The following SLC24A4 variants were observed in gnomAD, a reference collection of about 807,000 sequenced individuals.
SLC24A4 encodes sodium/potassium/calcium exchanger 4.
SLC24A4 carries 53 observed loss-of-function variants against 79.0 expected under a neutral mutation model. The ratio of observed to expected loss-of-function variants is 0.67; its 90% CI spans 0.54 to 0.84. SLC24A4 has a LOEUF of 0.84. Ranked by LOEUF, SLC24A4 falls within the 40% of genes least tolerant of loss-of-function variation. The pLI, the probability that SLC24A4 is intolerant of heterozygous loss-of-function variation, is 0.00. For missense variants in SLC24A4, 731 were observed against 822.0 expected (o/e 0.89, Z 1.35); for synonymous variants, 323 against 323.8 (o/e 1.00, Z 0.03).
At chr14:92,347,044 A>G (rs915228226) in intron 2 of SLC24A4, among the ~76,000 whole-genome samples, 1 of 152,136 alleles carries the variant, frequency 6.6e-6, no homozygotes, top group African/African-American at 2.4e-5. Context: ...GCCACCAAAC[A>G]TAACTTTATC....
chr14:92,451,998 C>T (rs1893167317), intron 10 of SLC24A4: 1 of 152,244 alleles, frequency 6.6e-6, no homozygotes, highest in African/African-American at 2.4e-5. Context: ...TGTCATTGGT[C>T]AGGGGACACC....
At chr14:92,324,095 C>T (rs1884969147) in intron 1 of SLC24A4, 135 bp downstream of exon 1, 2 of 1,262,864 alleles carry the variant, frequency 1.6e-6, no homozygotes, top group Non-Finnish European at 2.1e-6. Flanking sequence ...CCCTCCCCGC[C>T]GGGCAGGTAG....
intron 2 of SLC24A4, among the ~76,000 whole-genome samples, chr14:92,410,883 G>A (rs955572735): frequency 1.8e-4 from 28 of 152,302 alleles, no homozygotes; most frequent in Admixed American, 1.4e-3. Context: ...ATAACCAAGC[G>A]TTATTGCAAG....
chr14:92,477,549 T>A (rs1396665778), intron 12 of SLC24A4, among the ~76,000 whole-genome samples: 1 of 152,248 alleles, frequency 6.6e-6, no homozygotes, highest in African/African-American at 2.4e-5. Context: ...AGCCTCTAAC[T>A]CCTAGGCTAG....
intron 2 of SLC24A4, among the ~76,000 whole-genome samples, chr14:92,368,026 A>C (rs1035860928): frequency 5.3e-5 from 8 of 152,260 alleles, no homozygotes; most frequent in African/African-American, 9.6e-5. Context: ...TAATGAGGGA[A>C]GCAGCAGGAT....
At chr14:92,385,311 C>T (rs1300097153) in intron 2 of SLC24A4, among the ~76,000 whole-genome samples, 1 of 152,028 alleles carries the variant, frequency 6.6e-6, no homozygotes, top group Non-Finnish European at 1.5e-5. Context: ...TCGATACCAT[C>T]CTGGCCAACA....
chr14:92,440,455 A>G (rs2139807466), intron 4 of SLC24A4, among the ~76,000 whole-genome samples: 1 of 152,250 alleles, frequency 6.6e-6, no homozygotes, highest in Non-Finnish European at 1.5e-5. Flanking sequence ...TCTGCCTTCC[A>G]GAGGGGGCCC....
intron 2 of SLC24A4, among the ~76,000 whole-genome samples, chr14:92,328,582 C>T (rs771835182): frequency 1.2e-4 from 19 of 152,226 alleles, no homozygotes; most frequent in Non-Finnish European, 2.6e-4. Flanking sequence ...TCAAAGGTTA[C>T]GAGGTGTCCA....
intron 14 of SLC24A4, among the ~76,000 whole-genome samples, chr14:92,489,523 C>G (rs1044368121): frequency 5.3e-5 from 8 of 152,168 alleles, no homozygotes; most frequent in Admixed American, 3.3e-4. Context: ...AGCACGTGCT[C>G]TAACCCGAGG....
At chr14:92,359,967 G>A (rs1887407195) in intron 2 of SLC24A4, among the ~76,000 whole-genome samples, 1 of 152,220 alleles carries the variant, frequency 6.6e-6, no homozygotes, top group African/African-American at 2.4e-5. Flanking sequence ...TCACCAGGCT[G>A]GAGTGCAGTG....
chr14:92,487,560 C>T (rs755878825), intron 14 of SLC24A4, among the ~76,000 whole-genome samples: 3 of 151,914 alleles, frequency 2.0e-5, no homozygotes, highest in African/African-American at 4.8e-5. Flanking sequence ...TGAGAAACCA[C>T]GAGATGAGGG....
At chr14:92,480,772 C>G (rs1952324) in intron 12 of SLC24A4, among the ~76,000 whole-genome samples, 138,307 of 152,066 alleles carry the variant, frequency 0.91, 63,871 homozygotes, top group Non-Finnish European at 0.99. Context: ...CCCATGTATT[C>G]GTGAATTTTC....
In SLC24A4 at chr14:92,441,610, C is replaced by T. The variant is rs557572330; in HGVS notation, c.394-479C>T. Among the ~76,000 whole-genome samples, 2 of 152,332 alleles carry T rather than the reference C, an allele frequency of 1.3e-5. No individual in the cohort carries two copies. The highest frequency in any genetic ancestry group is 4.2e-4 in the South Asian group (2 of 4,816). On this transcript the variant is annotated intron_variant, in intron 4 of 16. Transcript: ENST00000532405. The surrounding 1 kb of genome is among the most constrained non-coding windows in gnomAD (Gnocchi z 4.6). ...ACTAGACTAGTGTGTGCCTGTGGAGCACCACTCTGTGCCAGACCCTGTTCT... is the reference window on the plus strand; with the variant it reads ...ACTAGACTAGTGTGTGCCTGTGGAGTACCACTCTGTGCCAGACCCTGTTCT...
intron 2 of SLC24A4, among the ~76,000 whole-genome samples, chr14:92,344,530 T>A (rs1226102091): frequency 6.6e-6 from 1 of 152,012 alleles, no homozygotes; most frequent in East Asian, 1.9e-4. Flanking sequence ...ATCGAGGCAG[T>A]TGGAGTTGGG....
At chr14:92,482,647 C>G (rs1895122334) in intron 12 of SLC24A4, 33 bp from the exon 13 acceptor site, 1 of 1,565,796 alleles carries the variant, frequency 6.4e-7, no homozygotes, top group Non-Finnish European at 8.7e-7. Flanking sequence ...TTTCTCTCCC[C>G]CTCCTTTCTC....
chr14:92,355,993 G>A (rs77101342), intron 2 of SLC24A4, among the ~76,000 whole-genome samples: 1,630 of 152,292 alleles, frequency 0.011, 31 homozygotes, highest in African/African-American at 0.037. Context: ...CTTTACGATG[G>A]CATGAAAGCA....
intron 14 of SLC24A4, among the ~76,000 whole-genome samples, 162 bp downstream of exon 14, chr14:92,486,942 T>C (rs1231605519): frequency 6.6e-6 from 1 of 152,208 alleles, no homozygotes; most frequent in Non-Finnish European, 1.5e-5. Flanking sequence ...ATTTATTAGA[T>C]TCCATCCACA....
intron 2 of SLC24A4, among the ~76,000 whole-genome samples, chr14:92,393,545 CTTT>C (rs5810597): frequency 4.4e-4 from 49 of 112,478 alleles, no homozygotes; most frequent in East Asian, 1.3e-3. Context: ...AAGACACACT[CTTT>C]TTTTTTTTTT....
chr14:92,323,792 C>G lies in SLC24A4; in HGVS notation c.-39C>G. 6.5e-7 allele frequency: 1 copy of G among 1,536,550 alleles called. No homozygotes were observed. The highest frequency in any genetic ancestry group is 8.7e-7 in the Non-Finnish European group (1 of 1,147,502). ...TGATTGCACTCTGGCCGCTGAAGCT[C>G]CCCATCCTCTCCCAGAGACGGCACC... On this transcript the variant is annotated 5_prime_UTR_variant, in exon 1 of 17. Coordinates refer to ENST00000532405, the MANE Select transcript of SLC24A4 (RefSeq NM_153646.4). This position sits in a 1 kb window ranked among gnomAD's most constrained non-coding sequence, Gnocchi z 4.9.
Sources: allele counts gnomAD v4.1 joint callset (sites outside exome capture counted in the v4.1 genomes callset), GRCh38; gene constraint gnomAD v4.1.1; non-coding constraint Gnocchi (gnomAD v3.1); transcripts MANE v1.5; gene names NCBI Gene and HGNC (gene_info 2026-07-23, HGNC 2026-07-21).